The following KCNQ1 variants were observed in gnomAD, a reference collection of about 807,000 sequenced individuals.
The protein encoded by KCNQ1 is potassium voltage-gated channel subfamily KQT member 1.
Under a neutral mutation model 72.4 loss-of-function variants are expected in KCNQ1, and 49 were observed. The ratio of observed to expected loss-of-function variants is 0.68; its 90% CI spans 0.54 to 0.86. KCNQ1 has a LOEUF of 0.86. Among genes scored for constraint, KCNQ1 ranks in the 40% least tolerant of loss-of-function variants. KCNQ1 has a pLI of 0.00. For missense variants in KCNQ1, 790 were observed against 945.1 expected (o/e 0.84, Z 2.15); for synonymous variants, 450 against 412.6 (o/e 1.09, Z -1.10).
intron 10 of KCNQ1, among the ~76,000 whole-genome samples, chr11:2,607,050 A>G (rs1356171079): frequency 2.0e-5 from 3 of 151,656 alleles, no homozygotes; most frequent in Non-Finnish European, 4.4e-5. Context: ...CTACAGGCGC[A>G]TGCTGCCATG....
intron 11 of KCNQ1, among the ~76,000 whole-genome samples, chr11:2,705,683 C>T (rs755728237): frequency 6.6e-6 from 1 of 152,206 alleles, no homozygotes; most frequent in Non-Finnish European, 1.5e-5. Flanking sequence ...AAAGTGGGCC[C>T]AGGCCTTTGA....
chr11:2,811,164 C>A (rs186883011), intron 15 of KCNQ1, among the ~76,000 whole-genome samples: 2 of 152,318 alleles, frequency 1.3e-5, no homozygotes, highest in African/African-American at 4.8e-5. Flanking sequence ...CCTGTCACAC[C>A]CCTGTACAGC....
chr11:2,556,684 TGGGGTGAAGGGAGA>T (rs1361056826), intron 2 of KCNQ1, among the ~76,000 whole-genome samples: 1 of 152,180 alleles, frequency 6.6e-6, no homozygotes, highest in Non-Finnish European at 1.5e-5. Context: ...GAGCCGTTGA[TGGGGTGAAGGGAGA>T]GGGGTGAAAT....
chr11:2,501,718 C>CAAAAAAAAAAAAAAAAAAAAAAA (rs55865890), intron 1 of KCNQ1, among the ~76,000 whole-genome samples: 10 of 68,888 alleles, frequency 1.5e-4, no homozygotes, highest in Non-Finnish European at 2.3e-4. Flanking sequence ...AAAGATACAT[C>CAAAAAAAAAAAAAAAAAAAAAAA]AAAAAAAAAA....
rs1385998421 is a variant in KCNQ1, at chr11:2,792,956, C to T, written c.1794+14919C>T. Among the ~76,000 whole-genome samples the T allele has an allele frequency of 5.9e-5, 9 of 152,232 alleles. No homozygotes were observed. The East Asian group carries it at 1.7e-3, about 29-fold the overall frequency. ...ACAGCACCCCCTCTCTTCCCCGCCC[C>T]CCGGGAGCCGCAGGTCAGGCACACA... is the stretch of plus-strand genomic sequence containing the variant. On this transcript the variant is annotated intron_variant, in intron 15 of 15. Transcript: ENST00000155840.
At chr11:2,800,466 C>T (rs1460446424) in intron 15 of KCNQ1, among the ~76,000 whole-genome samples, 2 of 152,368 alleles carry the variant, frequency 1.3e-5, no homozygotes, top group African/African-American at 2.4e-5. Context: ...TGCCTCACCT[C>T]GGCCCAAACC....
At position 2,651,680 on chromosome 11, in the gene KCNQ1, C is replaced by G. The variant is rs1849758631; in HGVS notation, c.1394-10281C>G. On this transcript the variant is annotated intron_variant, in intron 10 of 15. Transcript: ENST00000155840. This position sits in a 1 kb window ranked among gnomAD's most constrained non-coding sequence, Gnocchi z 6.1. ...GCTCACTGACATTAGCCACGTGGCCCTCTGTTTCCTGTAATAGGCCATTTC... is the reference window on the plus strand; with the variant it reads ...GCTCACTGACATTAGCCACGTGGCCGTCTGTTTCCTGTAATAGGCCATTTC... The G allele has an allele frequency of 2.5e-6, 1 of 398,570 alleles. No individual in the cohort carries two copies. The highest frequency in any genetic ancestry group is 2.1e-5 in the African/African-American group (1 of 48,640). 24.7% of individuals were successfully genotyped at this position (398,570 alleles called of 1,614,324 possible).
chr11:2,835,792 A>G (rs566801573), intron 15 of KCNQ1, among the ~76,000 whole-genome samples: 1 of 152,272 alleles, frequency 6.6e-6, no homozygotes, highest in African/African-American at 2.4e-5. Flanking sequence ...CACAGAGGAA[A>G]AGCCTTCCTC....
intron 11 of KCNQ1, chr11:2,675,834 C>T (rs1478296102): frequency 1.3e-5 from 5 of 398,600 alleles, no homozygotes; most frequent in Middle Eastern, 6.2e-4. Context: ...ACTGCCCTAC[C>T]GTGCATCCAC....
Position 2,651,133 on chromosome 11 carries a change from C to A in KCNQ1, c.1394-10828C>A. 2.5e-6 allele frequency: 1 copy of A among 398,678 alleles called. No individual in the cohort carries two copies. Among genetic ancestry groups the A allele is most frequent in the South Asian group, 1.3e-4 (1 of 7,846 alleles). The allele number at this position is 398,678 out of a possible 1,614,324, so 24.7% of individuals were successfully genotyped here. ...GTACTCCATTCTTCACATAACAGCT[C>A]AAGGGAGTTCTTTAAATGTACAGTG... On this transcript the variant is annotated intron_variant, in intron 10 of 15. Transcript: ENST00000155840. The surrounding 1 kb of genome is among the most constrained non-coding windows in gnomAD (Gnocchi z 6.1).
Position 2,478,309 on chromosome 11 carries a change from A to C in KCNQ1, c.386+32825A>C, listed in dbSNP as rs1402159639. 6.6e-6 allele frequency among the ~76,000 whole-genome samples: 1 copy of C among 152,216 alleles called. No individual in the cohort carries two copies. Among genetic ancestry groups the C allele is most frequent in the Non-Finnish European group, 1.5e-5 (1 of 68,034 alleles). ...AAATGTGATGCCTAAGTGGGAGTCT[A>C]TGATTCCACTATGTTATGTATTAGT... On this transcript the variant is annotated intron_variant, in intron 1 of 15. Coordinates refer to ENST00000155840, the MANE Select transcript of KCNQ1 (RefSeq NM_000218.3). This position sits in a 1 kb window ranked among gnomAD's most constrained non-coding sequence, Gnocchi z 4.0.
chr11:2,825,236 C>A (rs1847815889), intron 15 of KCNQ1, among the ~76,000 whole-genome samples: 1 of 152,228 alleles, frequency 6.6e-6, no homozygotes, highest in Non-Finnish European at 1.5e-5. Context: ...CCTTCATAGC[C>A]CAGGAAGCCA....
rs1464141916 is a variant in KCNQ1 at position 2,567,452 on chromosome 11, C to T, written c.478-3176C>T. 6.6e-6 allele frequency among the ~76,000 whole-genome samples: 1 copy of T among 152,134 alleles called. No homozygotes were observed. Among genetic ancestry groups the T allele is most frequent in the Non-Finnish European group, 1.5e-5 (1 of 68,012 alleles). On this transcript the variant is annotated intron_variant, in intron 2 of 15. Coordinates refer to ENST00000155840, the MANE Select transcript of KCNQ1 (RefSeq NM_000218.3). The surrounding 1 kb of genome is among the most constrained non-coding windows in gnomAD (Gnocchi z 6.6). Reference sequence around the variant, plus strand: ...GTGGGGGACCAGCCCTCCTCCCTGTCCCCAGCTGAGTGTGAGCTCCCTGGG... The same window carrying T: ...GTGGGGGACCAGCCCTCCTCCCTGTTCCCAGCTGAGTGTGAGCTCCCTGGG...
Position 2,680,925 on chromosome 11 carries a change from G to A in KCNQ1, c.1514+18844G>A, listed in dbSNP as rs992599280. 3.5e-5 allele frequency: 14 copies of A among 398,434 alleles called. No individual in the cohort carries two copies. The East Asian group carries it at 4.3e-4, about 12-fold the overall frequency. The allele number at this position is 398,434 out of a possible 1,614,324, so 24.7% of individuals were successfully genotyped here. On this transcript the variant is annotated intron_variant, in intron 11 of 15. Coordinates refer to ENST00000155840, the MANE Select transcript of KCNQ1 (RefSeq NM_000218.3). ...TTTTGGTATGACCCAATTTGGGTTT[G>A]TATTTTTAAAGCTGATGGACACTAT...
In KCNQ1 at chr11:2,541,719, T is replaced by TA. The variant is rs1554889754; in HGVS notation, c.477+13704dup. On this transcript the variant is annotated intron_variant, in intron 2 of 15. Coordinates refer to ENST00000155840, the MANE Select transcript of KCNQ1 (RefSeq NM_000218.3). The surrounding 1 kb of genome is among the most constrained non-coding windows in gnomAD (Gnocchi z 4.8). Reference sequence around the variant, plus strand: ...GGTGTTTTGAGTTTTTTTTTTTTTTTAAATGAGGACATCTGTTAGACCACT... The same window carrying TA: ...GGTGTTTTGAGTTTTTTTTTTTTTTTAAAATGAGGACATCTGTTAGACCACT... Among the ~76,000 whole-genome samples the TA allele has an allele frequency of 2.3e-4, 35 of 151,630 alleles. No homozygotes were observed. Among genetic ancestry groups the TA allele is most frequent in the African/African-American group, 7.0e-4 (29 of 41,306 alleles).
chr11:2,612,427 TTTC>T lies in KCNQ1; in HGVS notation c.1393+23577_1393+23579del. 2.5e-6 allele frequency: 1 copy of T among 398,624 alleles called. No individual in the cohort carries two copies. The highest frequency in any genetic ancestry group is 3.6e-5 in the East Asian group (1 of 28,082). 24.7% of individuals were successfully genotyped at this position (398,624 alleles called of 1,614,324 possible). A position where few individuals can be genotyped will look rare whatever the true frequency, so the allele number is the denominator to read the frequency against. ...GGTATCCAATGGGTATCTCTTCATT[TTTC>T]TTCATTATTTTTCTTTCTATTCTTC... On this transcript the variant is annotated intron_variant, in intron 10 of 15. Transcript: ENST00000155840. This position sits in a 1 kb window ranked among gnomAD's most constrained non-coding sequence, Gnocchi z 5.5.
In KCNQ1 at chr11:2,767,049, C is replaced by T. The variant is rs1237176820; in HGVS notation, c.1515-1795C>T. Among the ~76,000 whole-genome samples, 1 of 152,286 alleles carries T rather than the reference C, an allele frequency of 6.6e-6. No individual in the cohort carries two copies. Among genetic ancestry groups the T allele is most frequent in the East Asian group, 1.9e-4 (1 of 5,180 alleles). ...AAAATTAGCTGGGCATGGTGGTGTG[C>T]ACCTGCTACTCAGGAGGCTGAGGCA... On this transcript the variant is annotated intron_variant, in intron 11 of 15. Transcript: ENST00000155840. The surrounding 1 kb of genome is among the most constrained non-coding windows in gnomAD (Gnocchi z 4.6).
rs975267609 is a variant in KCNQ1, at chr11:2,724,297, C to T, written c.1515-44547C>T. Among the ~76,000 whole-genome samples, 4 of 152,234 alleles carry T rather than the reference C, an allele frequency of 2.6e-5. No individual in the cohort carries two copies. The highest frequency in any genetic ancestry group is 5.9e-5 in the Non-Finnish European group (4 of 68,038). On this transcript the variant is annotated intron_variant, in intron 11 of 15. Coordinates refer to ENST00000155840, the MANE Select transcript of KCNQ1 (RefSeq NM_000218.3). This position sits in a 1 kb window ranked among gnomAD's most constrained non-coding sequence, Gnocchi z 6.8. ...ACTTATTCTGTCAGGGAGGAGAGCC[C>T]TCCCGCTCCACCAGGTGACGGCCCT...
chr11:2,502,951 A>G (rs1003147305), intron 1 of KCNQ1, among the ~76,000 whole-genome samples: 5 of 152,240 alleles, frequency 3.3e-5, no homozygotes, highest in Non-Finnish European at 7.3e-5. Flanking sequence ...AGTCTCTTCA[A>G]TAAACGATGC....
Sources: allele counts gnomAD v4.1 joint callset (sites outside exome capture counted in the v4.1 genomes callset), GRCh38; gene constraint gnomAD v4.1.1; non-coding constraint Gnocchi (gnomAD v3.1); transcripts MANE v1.5; gene names NCBI Gene and HGNC (gene_info 2026-07-23, HGNC 2026-07-21).